PTRH1: variants seen among roughly 807,000 people sequenced by gnomAD.
PTRH1 encodes peptidyl-tRNA hydrolase 1 homolog, also known as peptidyl-tRNA hydrolase.
Under a neutral mutation model 15.7 loss-of-function variants are expected in PTRH1, and 13 were observed. The observed-to-expected ratio is 0.83, with a 90% CI of 0.54 to 1.31. PTRH1 has a LOEUF of 1.31. Ranked by LOEUF, PTRH1 falls within the 40% of genes most tolerant of loss-of-function variation. The probability of loss-of-function intolerance (pLI) is 0.00; values close to 1 mark genes in which losing one functional copy is unlikely to be tolerated. For synonymous variants in PTRH1, 139 were observed against 136.7 expected (o/e 1.02, Z -0.12); for missense variants, 319 against 296.2 (o/e 1.08, Z -0.56).
Position 127,713,914 on chromosome 9 carries a change from G to A in PTRH1, c.*186C>T. On this transcript the variant is annotated 3_prime_UTR_variant, in exon 5 of 5. Coordinates refer to ENST00000543175, the MANE Select transcript of PTRH1 (RefSeq NM_001002913.3). ...CCCTACGTCCCAAGTAGGACACAGA[G>A]AGAAGAACCTACTCCAGAAATGGAC... 1 of 1,612,952 alleles carries A rather than the reference G, an allele frequency of 6.2e-7. No individual in the cohort carries two copies. The highest frequency in any genetic ancestry group is 1.3e-5 in the African/African-American group (1 of 75,012).
In PTRH1 at chr9:127,694,636, G is replaced by T. The variant is rs181991955; in HGVS notation, c.420+291C>A. 2.4e-4 allele frequency among the ~76,000 whole-genome samples: 37 copies of T among 152,052 alleles called. 1 individual carries two copies. Among genetic ancestry groups the T allele is most frequent in the Admixed American group, 1.4e-3 (21 of 15,270 alleles). On this transcript the variant is annotated intron_variant, in intron 2 of 2. Transcript: ENST00000335223. The stretch of plus-strand genomic sequence containing the variant: ...GGAGCAGGGAATTCCAGGAACAAAT[G>T]CTTGGTGTCATTCCGAGGTGGGTGC...
chr9:127,699,459 C>A (rs1164070437), intron 1 of PTRH1, among the ~76,000 whole-genome samples: 1 of 152,214 alleles, frequency 6.6e-6, no homozygotes, highest in Non-Finnish European at 1.5e-5. Context: ...CGTCTACTAG[C>A]CGGGCTGTTT....
At chr9:127,712,513 C>T (rs1842789931), downstream of PTRH1, 1 of 1,478,278 alleles carries the variant, frequency 6.8e-7, no homozygotes, top group African/African-American at 1.4e-5. Flanking sequence ...AAGATCCCTC[C>T]AAGGTCTTAA....
chr9:127,711,725 G>A, downstream of PTRH1: 2 of 1,397,924 alleles, frequency 1.4e-6, no homozygotes, highest in East Asian at 2.5e-5. Flanking sequence ...AGAGCTCACT[G>A]GCCGCTCTGC....
chr9:127,704,044 T>A (rs1257984154), intron 1 of PTRH1, among the ~76,000 whole-genome samples: 1 of 152,208 alleles, frequency 6.6e-6, no homozygotes, highest in Non-Finnish European at 1.5e-5. Flanking sequence ...AGAGCCCCTG[T>A]CTTTTTGACC....
intron 4 of PTRH1, 36 bp from the exon 5 acceptor site, chr9:127,714,318 C>T (rs553457756): frequency 1.9e-5 from 30 of 1,614,026 alleles, no homozygotes; most frequent in Middle Eastern, 1.7e-4. Context: ...GAAGCTTTGG[C>T]GAGGTGCTGG....
rs540201882 is a variant in PTRH1 at position 127,702,265 on chromosome 9, C to T, written c.206-7124G>A. On this transcript the variant is annotated intron_variant, in intron 1 of 2. Transcript: ENST00000335223. ...ATGGGCGCCTGTAGTCCCAGCTACT[C>T]GGGAGGCTGAGGCAGGAGAATGGCG... Among the ~76,000 whole-genome samples the T allele has an allele frequency of 1.9e-4, 29 of 150,436 alleles. No homozygotes were observed. The South Asian group carries it at 3.0e-3, about 15-fold the overall frequency.
At position 127,695,167 on chromosome 9, in the gene PTRH1, C is replaced by T. The variant is rs747009282; in HGVS notation, c.206-26G>A. 2.4e-5 allele frequency: 16 copies of T among 674,798 alleles called. No homozygotes were observed. The East Asian group carries it at 4.3e-4, about 18-fold the overall frequency. 41.8% of individuals were successfully genotyped at this position (674,798 alleles called of 1,614,324 possible). Reference sequence around the variant, plus strand: ...CTGGGGAGAAAAGAATAAATAGTCTCATAAATTTAAAAAAGCCCAATGCTC... The same window carrying T: ...CTGGGGAGAAAAGAATAAATAGTCTTATAAATTTAAAAAAGCCCAATGCTC... On this transcript the variant is annotated intron_variant, in intron 1 of 2. Transcript: ENST00000335223.
chr9:127,699,366 C>T (rs949400168), intron 1 of PTRH1, among the ~76,000 whole-genome samples: 3 of 152,226 alleles, frequency 2.0e-5, no homozygotes, highest in Admixed American at 2.0e-4. Flanking sequence ...AGGAAAAGGC[C>T]GACACCCAAC....
At chr9:127,695,579 C>A in intron 1 of PTRH1, 1 of 157,896 alleles carries the variant, frequency 6.3e-6, no homozygotes, top group Non-Finnish European at 1.4e-5. Context: ...TAATGTGAAC[C>A]TGTGATCAAT....
chr9:127,713,784 G>A (rs558314538), downstream of PTRH1: 183 of 1,500,332 alleles, frequency 1.2e-4, no homozygotes, highest in Non-Finnish European at 1.6e-4. Flanking sequence ...TGGGATTATA[G>A]GTGTGAGCCA....
chr9:127,707,391 C>T (rs978070913), intron 1 of PTRH1, among the ~76,000 whole-genome samples: 31 of 152,184 alleles, frequency 2.0e-4, no homozygotes, highest in African/African-American at 6.5e-4. Flanking sequence ...AAATGGATTT[C>T]CCCACCTTCC....
rs1275823548 is a variant in PTRH1, at chr9:127,705,283, C to T, written c.206-10142G>A. On this transcript the variant is annotated intron_variant, in intron 1 of 2. Transcript: ENST00000335223. This position sits in a 1 kb window ranked among gnomAD's most constrained non-coding sequence, Gnocchi z 4.7. ...CCATCAGCCTCAGTCTCCAAGACTA[C>T]GGAAGGCAGCTGGAGAAGCGATAAT... 3.3e-5 allele frequency among the ~76,000 whole-genome samples: 5 copies of T among 152,212 alleles called. No individual in the cohort carries two copies. Among genetic ancestry groups the T allele is most frequent in the Admixed American group, 6.5e-5 (1 of 15,286 alleles).
At chr9:127,702,027 G>A (rs1390231066) in intron 1 of PTRH1, among the ~76,000 whole-genome samples, 2 of 151,914 alleles carry the variant, frequency 1.3e-5, no homozygotes, top group African/African-American at 2.4e-5. Flanking sequence ...TTCGAGACGA[G>A]CCTGGGCAAA....
At chr9:127,711,253 C>A, downstream of PTRH1, 1 of 1,614,096 alleles carries the variant, frequency 6.2e-7, no homozygotes, top group Non-Finnish European at 8.5e-7. Context: ...TCATCCAGCG[C>A]GTGAACCTCG....
downstream of PTRH1, chr9:127,712,028 G>A (rs146416029): frequency 0.011 from 16,841 of 1,531,102 alleles, 155 homozygotes; most frequent in Non-Finnish European, 0.012. Context: ...CCGATCCCAC[G>A]ACCCAGGCCA....
chr9:127,703,614 G>C (rs1275282092), intron 1 of PTRH1, among the ~76,000 whole-genome samples: 1 of 152,222 alleles, frequency 6.6e-6, no homozygotes, highest in Non-Finnish European at 1.5e-5. Flanking sequence ...GAGTGACAGA[G>C]GTGTTTGTCC....
chr9:127,713,872 T>TA lies in PTRH1; in HGVS notation c.*227dup. Reference sequence around the variant, plus strand: ...GTTCTCTAAAAAGGCTTGAAAAGTTTAGTCTTCCTGAAGTTCCCCTACGTC... The same window carrying TA: ...GTTCTCTAAAAAGGCTTGAAAAGTTTAAGTCTTCCTGAAGTTCCCCTACGTC... On this transcript the variant is annotated 3_prime_UTR_variant, in exon 5 of 5. Transcript: ENST00000543175. 6.2e-7 allele frequency: 1 copy of TA among 1,613,986 alleles called. No homozygotes were observed. The highest frequency in any genetic ancestry group is 1.1e-5 in the South Asian group (1 of 91,082).
At position 127,714,097 on chromosome 9, in the gene PTRH1, G is replaced by T; in HGVS notation, c.*3C>A. 6.2e-7 allele frequency: 1 copy of T among 1,611,800 alleles called. No individual in the cohort carries two copies. On this transcript the variant is annotated 3_prime_UTR_variant, in exon 5 of 5. Transcript: ENST00000543175. ...GTCAGGCAGGCAGCCATGGCCACTA[G>T]TGTCACGGCCCCAGTGAGGGCCCCT...
Sources: gnomAD v4.1 joint callset for allele counts (sites outside exome capture counted in the v4.1 genomes callset) on GRCh38, gnomAD v4.1.1 for gene constraint, Gnocchi (gnomAD v3.1) non-coding constraint, MANE v1.5 for transcripts, NCBI Gene and HGNC (gene_info 2026-07-23, HGNC 2026-07-21) for gene names.